The following RALYL variants were observed in gnomAD, a reference collection of about 807,000 sequenced individuals.
RALYL encodes the protein RNA-binding Raly-like protein.
In RALYL, 29 loss-of-function variants were observed where a neutral mutation model predicts 35.1. The observed-to-expected ratio is 0.83, with a 90% CI of 0.61 to 1.13. The LOEUF (loss-of-function observed/expected upper bound fraction) is 1.13. Among genes scored for constraint, RALYL ranks in the 50% most tolerant of loss-of-function variants. RALYL has a pLI of 0.00. For missense variants in RALYL, 359 were observed against 360.4 expected (o/e 1.00, Z 0.03); for synonymous variants, 120 against 127.6 (o/e 0.94, Z 0.40).
chr8:84,801,953 ATAACT>A (rs1385372883), intron 3 of RALYL, among the ~76,000 whole-genome samples: 4 of 152,188 alleles, frequency 2.6e-5, no homozygotes, highest in Non-Finnish European at 5.9e-5. Flanking sequence ...AGGAAAATAA[ATAACT>A]TGATATGTAT....
intron 1 of RALYL, among the ~76,000 whole-genome samples, chr8:84,294,157 G>C (rs1298621834): frequency 6.6e-6 from 1 of 152,024 alleles, no homozygotes. Flanking sequence ...GTTAAAAAAA[G>C]TACATACTTA....
chr8:84,625,063 G>A (rs1476761732), intron 2 of RALYL, among the ~76,000 whole-genome samples: 1 of 152,134 alleles, frequency 6.6e-6, no homozygotes, highest in Non-Finnish European at 1.5e-5. Flanking sequence ...TTATGTCATA[G>A]TGTCCTTTTC....
chr8:84,314,916 A>G (rs1358751718), intron 1 of RALYL, among the ~76,000 whole-genome samples: 4 of 152,234 alleles, frequency 2.6e-5, no homozygotes, highest in Non-Finnish European at 5.9e-5. Flanking sequence ...CAGAAAATAA[A>G]TAGCTCTTAA....
intron 1 of RALYL, among the ~76,000 whole-genome samples, chr8:84,198,580 G>T (rs889865193): frequency 6.6e-6 from 1 of 152,050 alleles, no homozygotes; most frequent in Non-Finnish European, 1.5e-5. Context: ...TAGTCACCTT[G>T]TTGTGCTATC....
At chr8:84,665,298 C>T (rs565049600) in intron 2 of RALYL, among the ~76,000 whole-genome samples, 1 of 144,924 alleles carries the variant, frequency 6.9e-6, no homozygotes, top group African/African-American at 2.5e-5. Flanking sequence ...TGTATCTCTA[C>T]CAGGCTTTTT....
intron 6 of RALYL, among the ~76,000 whole-genome samples, chr8:84,864,201 T>TTG (rs112446879): frequency 0.41 from 61,280 of 150,058 alleles, 12,588 homozygotes; most frequent in East Asian, 0.63. Context: ...GTGTGTGTGT[T>TTG]TGTGTGTGTG....
At chr8:84,194,185 T>C (rs1814662417) in intron 1 of RALYL, among the ~76,000 whole-genome samples, 1 of 152,140 alleles carries the variant, frequency 6.6e-6, no homozygotes, top group Admixed American at 6.6e-5. Flanking sequence ...GAAGTTAAGA[T>C]ATTGTGAGGT....
At chr8:84,469,099 C>T (rs957235957) in intron 1 of RALYL, among the ~76,000 whole-genome samples, 12 of 152,164 alleles carry the variant, frequency 7.9e-5, no homozygotes, top group Non-Finnish European at 1.8e-4. Context: ...AATGTCCTTC[C>T]GTAGCTCAGA....
At chr8:84,760,762 TAAAC>T (rs1812492429) in intron 2 of RALYL, among the ~76,000 whole-genome samples, 2 of 152,018 alleles carry the variant, frequency 1.3e-5, no homozygotes, top group South Asian at 4.1e-4. Context: ...AGGGAGTAAA[TAAAC>T]ATTGAGAGAT....
At chr8:84,550,215 A>G (rs942439523) in intron 2 of RALYL, among the ~76,000 whole-genome samples, 8 of 151,186 alleles carry the variant, frequency 5.3e-5, no homozygotes, top group African/African-American at 1.9e-4. Flanking sequence ...CTCTCTCTCT[A>G]TCCTTCTCCC....
chr8:84,505,212 T>C (rs1022253390), intron 1 of RALYL, among the ~76,000 whole-genome samples: 1 of 152,194 alleles, frequency 6.6e-6, no homozygotes, highest in African/African-American at 2.4e-5. Flanking sequence ...GTTCATTTTC[T>C]TTCTCATATC....
At chr8:84,763,347 A>G (rs930224767) in intron 2 of RALYL, among the ~76,000 whole-genome samples, 1 of 152,236 alleles carries the variant, frequency 6.6e-6, no homozygotes, top group Non-Finnish European at 1.5e-5. Flanking sequence ...TGTTACCAAC[A>G]GGATATTCTT....
At chr8:84,700,832 T>G (rs1840058723) in intron 2 of RALYL, among the ~76,000 whole-genome samples, 1 of 152,150 alleles carries the variant, frequency 6.6e-6, no homozygotes, top group Non-Finnish European at 1.5e-5. Context: ...TATAGATGAG[T>G]GTCAAAGATA....
intron 4 of RALYL, among the ~76,000 whole-genome samples, chr8:84,839,614 A>T (rs1832771297): frequency 6.6e-6 from 1 of 152,232 alleles, no homozygotes; most frequent in Non-Finnish European, 1.5e-5. Flanking sequence ...AGCTTTGAAG[A>T]GAGTAGTGGT....
intron 1 of RALYL, among the ~76,000 whole-genome samples, chr8:84,396,389 C>A (rs929706833): frequency 6.6e-6 from 1 of 151,982 alleles, no homozygotes; most frequent in Admixed American, 6.6e-5. Context: ...ATATTTCAAC[C>A]AGTAATGTTA....
intron 1 of RALYL, among the ~76,000 whole-genome samples, chr8:84,208,406 C>CT (rs916422593): frequency 2.0e-5 from 3 of 151,902 alleles, no homozygotes; most frequent in African/African-American, 7.3e-5. Context: ...TGATTGGTAC[C>CT]TTTTTTAGAC....
chr8:84,732,678 A>ATATATATGTG (rs1846426298), intron 2 of RALYL, among the ~76,000 whole-genome samples: 4 of 140,316 alleles, frequency 2.9e-5, no homozygotes, highest in African/African-American at 1.1e-4. Context: ...TTATATATAT[A>ATATATATGTG]TATATACACA....
chr8:84,646,945 C>A (rs1463550187), intron 2 of RALYL, among the ~76,000 whole-genome samples: 1 of 152,038 alleles, frequency 6.6e-6, no homozygotes, highest in South Asian at 2.1e-4. Context: ...CATCTAGAAT[C>A]CTACTCTTTT....
chr8:84,480,887 G>A lies in RALYL; in HGVS notation c.-23-48412G>A, dbSNP rs948357112. ...CTGATGGATGACCTTATAAAGTAAG[G>A]AGCTCATAAAATAGAGATATTCAGA... On this transcript the variant is annotated intron_variant, in intron 1 of 8. Transcript: ENST00000521268. Among the ~76,000 whole-genome samples, 11 of 151,828 alleles carry A rather than the reference G, an allele frequency of 7.2e-5. No homozygotes were observed. In the East Asian group the frequency reaches 2.1e-3, roughly 29 times the overall value.
Sources: allele counts gnomAD v4.1 joint callset (sites outside exome capture counted in the v4.1 genomes callset), GRCh38; gene constraint gnomAD v4.1.1; transcripts MANE v1.5; gene names NCBI Gene and HGNC (gene_info 2026-07-23, HGNC 2026-07-21).